Variants in RARS1 observed in about 807,000 individuals in gnomAD.
RARS1 encodes arginine--tRNA ligase, cytoplasmic.
A neutral mutation model predicts 78.7 loss-of-function variants in RARS1; 75 were observed. That is an observed-to-expected ratio of 0.95 (90% CI 0.79 to 1.15). The LOEUF is 1.15. Among genes scored for constraint, RARS1 ranks in the 50% most tolerant of loss-of-function variants. The pLI is 0.00. For synonymous variants in RARS1, 273 were observed against 268.2 expected (o/e 1.02, Z -0.18); for missense variants, 787 against 787.5 (o/e 1.00, Z 0.01).
chr5:168,494,072 A>G, intron 4 of RARS1, 70 bp downstream of exon 4: 1 of 1,417,568 alleles, frequency 7.1e-7, no homozygotes, highest in Non-Finnish European at 9.7e-7. Context: ...AAAAAAGAAC[A>G]CACATTTTAA....
chr5:168,510,993 C>A (rs1010611992), intron 12 of RARS1, among the ~76,000 whole-genome samples: 2 of 152,216 alleles, frequency 1.3e-5, no homozygotes, highest in Admixed American at 6.5e-5. Context: ...GGGTTTGATT[C>A]GTCAGCTCAC....
At chr5:168,494,723 T>A in intron 5 of RARS1, 73 bp downstream of exon 5, 1 of 1,080,156 alleles carries the variant, frequency 9.3e-7, no homozygotes, top group Non-Finnish European at 1.4e-6. Context: ...GGTATGTGCC[T>A]ATAGTCTCAG....
At position 168,502,047 on chromosome 5, in the gene RARS1, A is replaced by AGGG. The variant is rs1758336898; in HGVS notation, c.1001_1003dup (p.Gly334dup). 6.2e-7 allele frequency: 1 copy of AGGG among 1,605,026 alleles called. No homozygotes were observed. The highest frequency in any genetic ancestry group is 1.3e-5 in the African/African-American group (1 of 74,512). On this transcript the variant is annotated inframe_insertion, in exon 9 of 15. Coordinates refer to ENST00000231572, the MANE Select transcript of RARS1 (RefSeq NM_002887.4). ...CATTGGACGTCTCTTTAATAGAGAG[A>AGGG]GGGGAATCCTTCTATCAAGATAGGA...
intron 6 of RARS1, 124 bp downstream of exon 6, chr5:168,495,560 T>G: frequency 7.1e-7 from 1 of 1,402,686 alleles, no homozygotes; most frequent in Admixed American, 2.3e-5. Flanking sequence ...ATCAGCTTAG[T>G]TCTTCTTTAC....
At chr5:168,508,313 C>G (rs1181096019) in intron 11 of RARS1, among the ~76,000 whole-genome samples, 1 of 143,840 alleles carries the variant, frequency 7.0e-6, no homozygotes, top group Non-Finnish European at 1.5e-5. Flanking sequence ...TCCCACCCGC[C>G]TTTTTTTTTT....
intron 5 of RARS1, 83 bp from the exon 6 acceptor site, chr5:168,495,232 A>G (rs1758159509): frequency 2.0e-6 from 3 of 1,497,194 alleles, no homozygotes; most frequent in South Asian, 1.4e-5. Context: ...TTGGAACAAA[A>G]TGTTTATGCT....
At chr5:168,500,222 A>AC (rs397952800) in intron 7 of RARS1, among the ~76,000 whole-genome samples, 4 of 146,220 alleles carry the variant, frequency 2.7e-5, no homozygotes, top group Non-Finnish European at 4.5e-5. Flanking sequence ...AAAAAAAAAA[A>AC]CGAAAAAAAA....
chr5:168,497,098 C>A, intron 6 of RARS1, 130 bp from the exon 7 acceptor site: 1 of 691,496 alleles, frequency 1.4e-6, no homozygotes, highest in Non-Finnish European at 2.1e-6. Context: ...ACCAAGTAAA[C>A]AGATATTACT....
intron 11 of RARS1, among the ~76,000 whole-genome samples, chr5:168,509,195 G>A (rs547218458): frequency 9.9e-5 from 15 of 152,278 alleles, no homozygotes; most frequent in Admixed American, 7.8e-4. Flanking sequence ...TTTTATCAGA[G>A]ATTTGAAAGT....
At position 168,486,608 on chromosome 5, in the gene RARS1, A is replaced by G. The variant is rs1262433551; in HGVS notation, c.45+65A>G. 14 of 1,526,212 alleles carry G rather than the reference A, an allele frequency of 9.2e-6. No homozygotes were observed. The Admixed American group carries it at 1.6e-4, about 17-fold the overall frequency. 94.5% of individuals were successfully genotyped at this position (1,526,212 alleles called of 1,614,324 possible). On this transcript the variant is annotated intron_variant, in intron 1 of 14. Transcript: ENST00000231572. ...TGGAGCAGGCTCTGACTCCTGCCCA[A>G]GCGGCTTCGGGGGCGGGACAGCTAG... is the stretch of plus-strand genomic sequence containing the variant.
At chr5:168,488,245 A>G in intron 1 of RARS1, 2 of 363,212 alleles carry the variant, frequency 5.5e-6, no homozygotes, top group East Asian at 9.4e-5. Flanking sequence ...CTCCTGCCTC[A>G]GCCTCCCAAG....
At chr5:168,487,407 T>A (rs1292367211) in intron 1 of RARS1, among the ~76,000 whole-genome samples, 2 of 152,008 alleles carry the variant, frequency 1.3e-5, no homozygotes, top group Admixed American at 6.5e-5. Flanking sequence ...TTCCATTACC[T>A]TTTATGCCCA....
chr5:168,491,387 A>G (rs994520518), intron 2 of RARS1, among the ~76,000 whole-genome samples: 2 of 152,196 alleles, frequency 1.3e-5, no homozygotes, highest in Non-Finnish European at 1.5e-5. Context: ...AGAGAAAAGG[A>G]TCATATCCAA....
At chr5:168,504,555 G>A (rs1261970277) in intron 9 of RARS1, among the ~76,000 whole-genome samples, 3 of 150,252 alleles carry the variant, frequency 2.0e-5, no homozygotes, top group African/African-American at 4.9e-5. Flanking sequence ...TGCCAGGCCC[G>A]GTGGCTCAGG....
intron 7 of RARS1, 42 bp from the exon 8 acceptor site, chr5:168,500,549 T>C (rs760146235): frequency 1.4e-6 from 2 of 1,399,410 alleles, no homozygotes; most frequent in Non-Finnish European, 1.9e-6. Context: ...CAGGATTAGA[T>C]CTTTTTACAC....
chr5:168,507,232 T>G (rs1002122073), intron 11 of RARS1, among the ~76,000 whole-genome samples: 9 of 152,242 alleles, frequency 5.9e-5, no homozygotes, highest in Non-Finnish European at 1.3e-4. Context: ...GTTATTGAGA[T>G]TCCAATTAAG....
rs537639255 is a variant in RARS1, at chr5:168,504,533, A to G, written c.1058-1488A>G. Reference sequence around the variant, plus strand: ...CAAGATTCTGTCTCAAAAAAAAAAAAAGAAAAAAAAATGCCAGGCCCGGTG... The same window carrying G: ...CAAGATTCTGTCTCAAAAAAAAAAAGAGAAAAAAAAATGCCAGGCCCGGTG... On this transcript the variant is annotated intron_variant, in intron 9 of 14. Transcript: ENST00000231572. Among the ~76,000 whole-genome samples, 487 of 148,334 alleles carry G rather than the reference A, an allele frequency of 3.3e-3. 3 individuals are homozygous for G. The highest frequency in any genetic ancestry group is 0.011 in the African/African-American group (438 of 40,034).
intron 11 of RARS1, among the ~76,000 whole-genome samples, chr5:168,510,066 C>T (rs1582439816): frequency 6.6e-6 from 1 of 152,298 alleles, no homozygotes; most frequent in African/African-American, 2.4e-5. Context: ...TGAATCAAGG[C>T]TTGGTTACCA....
Position 168,518,073 on chromosome 5 carries a change from T to A in RARS1, c.1873+11T>A. On this transcript the variant is annotated intron_variant, in intron 14 of 14. Coordinates refer to ENST00000231572, the MANE Select transcript of RARS1 (RefSeq NM_002887.4). ...AAGATAGACAGACTGGTGAGTGTCT[T>A]TTTTTTTTTTTTTTTTTTTTTTAGT... 5 of 454,364 alleles carry A rather than the reference T, an allele frequency of 1.1e-5. No individual in the cohort carries two copies. Among genetic ancestry groups the A allele is most frequent in the Non-Finnish European group, 1.5e-5 (5 of 322,594 alleles). 28.1% of individuals were successfully genotyped at this position (454,364 alleles called of 1,614,324 possible).
Sources: gnomAD v4.1 joint callset for allele counts (sites outside exome capture counted in the v4.1 genomes callset) on GRCh38, gnomAD v4.1.1 for gene constraint, MANE v1.5 for transcripts, NCBI Gene and HGNC (gene_info 2026-07-23, HGNC 2026-07-21) for gene names.